The following SLC24A3 variants were observed in gnomAD, a reference collection of about 807,000 sequenced individuals.
SLC24A3 encodes solute carrier family 24 member 3, also known as sodium/potassium/calcium exchanger 3.
SLC24A3 carries 28 observed loss-of-function variants against 75.8 expected under a neutral mutation model. That is an observed-to-expected ratio of 0.37 (90% CI 0.27 to 0.51). The LOEUF (loss-of-function observed/expected upper bound fraction) is 0.51, where lower values mean the gene tolerates loss of function less well. SLC24A3 is among the 20% of genes least tolerant of loss of function. The pLI, the probability that SLC24A3 is intolerant of heterozygous loss-of-function variation, is 0.94. For synonymous variants in SLC24A3, 372 were observed against 334.1 expected (o/e 1.11, Z -1.24); for missense variants, 663 against 847.8 (o/e 0.78, Z 2.71).
intron 2 of SLC24A3, among the ~76,000 whole-genome samples, chr20:19,383,302 G>A (rs974404853): frequency 6.6e-6 from 1 of 152,094 alleles, no homozygotes; most frequent in Admixed American, 6.6e-5. Context: ...AAATCTGTTG[G>A]CTTTTTGAAT....
intron 8 of SLC24A3, among the ~76,000 whole-genome samples, chr20:19,666,186 C>T (rs1442427614): frequency 1.3e-5 from 2 of 152,108 alleles, no homozygotes; most frequent in East Asian, 3.8e-4. Flanking sequence ...CTACAGTCAG[C>T]CATGTGCTAG....
chr20:19,660,653 CA>C (rs1168477274), intron 7 of SLC24A3, among the ~76,000 whole-genome samples: 1 of 152,016 alleles, frequency 6.6e-6, no homozygotes, highest in Non-Finnish European at 1.5e-5. Flanking sequence ...GGTAGATACC[CA>C]GTAGTGGGAT....
At chr20:19,475,317 C>T (rs920736928) in intron 2 of SLC24A3, among the ~76,000 whole-genome samples, 4 of 149,730 alleles carry the variant, frequency 2.7e-5, no homozygotes, top group African/African-American at 9.9e-5. Flanking sequence ...CCAGCCTGGG[C>T]AACAGAGTGA....
At chr20:19,407,853 T>C (rs1369477942) in intron 2 of SLC24A3, among the ~76,000 whole-genome samples, 2 of 152,240 alleles carry the variant, frequency 1.3e-5, no homozygotes, top group Non-Finnish European at 2.9e-5. Flanking sequence ...AAGGTGTCAC[T>C]GAAATAGGAG....
chr20:19,394,134 T>C (rs1434073442), intron 2 of SLC24A3, among the ~76,000 whole-genome samples: 1 of 152,218 alleles, frequency 6.6e-6, no homozygotes, highest in Non-Finnish European at 1.5e-5. Context: ...CAAATGTTTC[T>C]GGGTAAACTT....
chr20:19,309,395 C>A (rs1984404304), intron 2 of SLC24A3, among the ~76,000 whole-genome samples: 3 of 152,176 alleles, frequency 2.0e-5, no homozygotes, highest in Admixed American at 2.0e-4. Context: ...AGGTGGTTAG[C>A]ATGTTCTCTT....
At chr20:19,621,041 T>C (rs1272942697) in intron 6 of SLC24A3, among the ~76,000 whole-genome samples, 1 of 152,202 alleles carries the variant, frequency 6.6e-6, no homozygotes, top group Non-Finnish European at 1.5e-5. Flanking sequence ...GATCATCTAT[T>C]TTCTCTTTAG....
At chr20:19,334,220 G>T (rs1393373335) in intron 2 of SLC24A3, among the ~76,000 whole-genome samples, 1 of 152,172 alleles carries the variant, frequency 6.6e-6, no homozygotes, top group Non-Finnish European at 1.5e-5. Context: ...TGTGGGAATA[G>T]CTTTCAGAGC....
chr20:19,353,029 G>T (rs1389851060), intron 2 of SLC24A3, among the ~76,000 whole-genome samples: 1 of 152,172 alleles, frequency 6.6e-6, no homozygotes, highest in African/African-American at 2.4e-5. Flanking sequence ...CAGTTGCCTG[G>T]AGTATTCAGT....
chr20:19,643,468 G>C (rs6046224), intron 6 of SLC24A3, among the ~76,000 whole-genome samples: 30 of 152,312 alleles, frequency 2.0e-4, no homozygotes, highest in African/African-American at 7.2e-4. Flanking sequence ...TTGAAAAACA[G>C]CTGGCTCTTC....
At chr20:19,461,528 T>C (rs1015929638) in intron 2 of SLC24A3, among the ~76,000 whole-genome samples, 1 of 134,892 alleles carries the variant, frequency 7.4e-6, no homozygotes, top group Non-Finnish European at 1.5e-5. Context: ...TTCTTTTTTT[T>C]CTTTTTTTTT....
At chr20:19,455,652 A>T (rs1039582581) in intron 2 of SLC24A3, among the ~76,000 whole-genome samples, 1 of 152,226 alleles carries the variant, frequency 6.6e-6, no homozygotes, top group Non-Finnish European at 1.5e-5. Context: ...AAGGTAATTC[A>T]GCATCCTCTC....
At chr20:19,542,867 T>C (rs1406008409) in intron 3 of SLC24A3, among the ~76,000 whole-genome samples, 2 of 152,128 alleles carry the variant, frequency 1.3e-5, no homozygotes, top group African/African-American at 4.8e-5. Context: ...GGATGGTCTA[T>C]GGAGTTCAGG....
intron 1 of SLC24A3, among the ~76,000 whole-genome samples, chr20:19,271,223 A>G (rs1264233065): frequency 6.6e-6 from 1 of 152,178 alleles, no homozygotes; most frequent in Middle Eastern, 3.2e-3. Context: ...TTCTGAAGCA[A>G]TTTCAAAATG....
chr20:19,665,613 AG>A (rs1305664700), intron 7 of SLC24A3, among the ~76,000 whole-genome samples: 1 of 152,304 alleles, frequency 6.6e-6, no homozygotes, highest in East Asian at 1.9e-4. Context: ...GAATTACCTG[AG>A]GCTGTTCTTT....
intron 3 of SLC24A3, among the ~76,000 whole-genome samples, chr20:19,523,484 T>C (rs1197860624): frequency 6.6e-6 from 1 of 152,202 alleles, no homozygotes; most frequent in African/African-American, 2.4e-5. Flanking sequence ...CATACATCAG[T>C]GATTTAAATC....
At chr20:19,250,102 G>C (rs1476190040) in intron 1 of SLC24A3, among the ~76,000 whole-genome samples, 1 of 152,224 alleles carries the variant, frequency 6.6e-6, no homozygotes, top group Admixed American at 6.5e-5. Flanking sequence ...ACAGCCATGT[G>C]TGCAGTGTCC....
intron 2 of SLC24A3, among the ~76,000 whole-genome samples, chr20:19,336,679 G>A (rs1012631851): frequency 7.6e-4 from 26 of 34,398 alleles, no homozygotes; most frequent in Non-Finnish European, 1.2e-3. Context: ...CACTGTGCCC[G>A]CCCGCCACCC....
chr20:19,564,190 G>A (rs1835384932), intron 3 of SLC24A3, among the ~76,000 whole-genome samples: 1 of 152,184 alleles, frequency 6.6e-6, no homozygotes, highest in Non-Finnish European at 1.5e-5. Context: ...GAGTAGTAGG[G>A]AGGGAATATC....
Sources: allele counts gnomAD v4.1 joint callset (sites outside exome capture counted in the v4.1 genomes callset), GRCh38; gene constraint gnomAD v4.1.1; transcripts MANE v1.5; gene names NCBI Gene and HGNC (gene_info 2026-07-23, HGNC 2026-07-21).